Variants in MCTP1 observed in about 807,000 individuals in gnomAD.
MCTP1 encodes multiple C2 and transmembrane domain-containing protein 1.
In MCTP1, 69 loss-of-function variants were observed where a neutral mutation model predicts 120.6. The observed-to-expected ratio is 0.57, with a 90% CI of 0.47 to 0.70. The LOEUF is 0.70. Among genes scored for constraint, MCTP1 ranks in the 30% least tolerant of loss-of-function variants. MCTP1 has a pLI of 0.00. For synonymous variants in MCTP1, 529 were observed against 493.1 expected, an observed-to-expected ratio of 1.07 and a Z score of -0.96; for missense variants, 1,203 against 1,248.8, an observed-to-expected ratio of 0.96 and a Z score of 0.55.
At chr5:95,084,641 T>C (rs1755292519) in intron 1 of MCTP1, among the ~76,000 whole-genome samples, 1 of 152,124 alleles carries the variant, frequency 6.6e-6, no homozygotes, top group Non-Finnish European at 1.5e-5. Context: ...CCAATGTTTA[T>C]AATAATATGC....
At chr5:95,140,879 C>CAAAAAAA (rs33910299) in intron 1 of MCTP1, among the ~76,000 whole-genome samples, 4 of 45,338 alleles carry the variant, frequency 8.8e-5, no homozygotes, top group Admixed American at 3.3e-4. Flanking sequence ...GACTCCGTCT[C>CAAAAAAA]AAAAAAAAAA....
In MCTP1 at chr5:94,731,743, T is replaced by C. The variant is rs142263068; in HGVS notation, c.2611-16857A>G. 1.2e-3 allele frequency among the ~76,000 whole-genome samples: 186 copies of C among 152,342 alleles called. 5 individuals carry two copies. The East Asian group carries it at 0.034, about 28-fold the overall frequency. ...ATTTATCTGAGCCAAACTGCTGCTATGTAGAAATACAAATAGAAATACCAT... is the reference window on the plus strand; with the variant it reads ...ATTTATCTGAGCCAAACTGCTGCTACGTAGAAATACAAATAGAAATACCAT... On this transcript the variant is annotated intron_variant, in intron 19 of 22. Transcript: ENST00000515393.
At chr5:95,057,224 TAAC>T (rs1747636519) in intron 1 of MCTP1, among the ~76,000 whole-genome samples, 1 of 152,132 alleles carries the variant, frequency 6.6e-6, no homozygotes, top group African/African-American at 2.4e-5. Flanking sequence ...AATATTAACA[TAAC>T]TACCATCCAA....
chr5:95,206,053 A>G (rs1751583238), intron 1 of MCTP1, among the ~76,000 whole-genome samples: 1 of 152,200 alleles, frequency 6.6e-6, no homozygotes, highest in African/African-American at 2.4e-5. Flanking sequence ...CAAGAGAAAT[A>G]AAAACACATG....
At chr5:95,008,962 G>A (rs568518693) in intron 2 of MCTP1, among the ~76,000 whole-genome samples, 5 of 152,102 alleles carry the variant, frequency 3.3e-5, no homozygotes, top group African/African-American at 9.6e-5. Context: ...CCAGGAGTCT[G>A]AGGCTGCAAT....
chr5:95,003,855 G>A (rs1258065825), intron 2 of MCTP1, among the ~76,000 whole-genome samples: 1 of 152,154 alleles, frequency 6.6e-6, no homozygotes, highest in Non-Finnish European at 1.5e-5. Context: ...AGAGAAGTGG[G>A]GCATTGCTAT....
At chr5:94,825,880 A>AT (rs35182875) in intron 17 of MCTP1, 16,150 of 157,512 alleles carry the variant, frequency 0.1, 808 homozygotes, top group East Asian at 0.24. Context: ...TTTAACATCT[A>AT]TTTTTTTTTT....
chr5:95,089,552 G>A (rs544483291), intron 1 of MCTP1, among the ~76,000 whole-genome samples: 2 of 152,296 alleles, frequency 1.3e-5, no homozygotes, highest in East Asian at 1.9e-4. Context: ...TATTTTAAAT[G>A]TGAAGCGAAG....
intron 18 of MCTP1, among the ~76,000 whole-genome samples, chr5:94,796,767 C>A (rs1025944318): frequency 6.6e-6 from 1 of 151,506 alleles, no homozygotes; most frequent in African/African-American, 2.4e-5. Flanking sequence ...CATAATTAGA[C>A]AAATTGGATT....
At chr5:95,041,928 A>G (rs1842428944) in intron 1 of MCTP1, among the ~76,000 whole-genome samples, 1 of 152,168 alleles carries the variant, frequency 6.6e-6, no homozygotes, top group Admixed American at 6.6e-5. Flanking sequence ...GCATCCTTCA[A>G]CTGAATCTGC....
chr5:95,247,963 G>A (rs371149824), intron 1 of MCTP1, among the ~76,000 whole-genome samples: 11 of 151,760 alleles, frequency 7.2e-5, no homozygotes, highest in Admixed American at 2.0e-4. Flanking sequence ...CTTCTGTCTC[G>A]TTCAACAAAA....
chr5:95,227,575 C>G (rs1343836660), intron 1 of MCTP1, among the ~76,000 whole-genome samples: 1 of 152,110 alleles, frequency 6.6e-6, no homozygotes, highest in East Asian at 1.9e-4. Context: ...TTATAGGAAT[C>G]ATAGGAATCA....
At chr5:95,186,748 G>A (rs1484779950) in intron 1 of MCTP1, among the ~76,000 whole-genome samples, 1 of 152,072 alleles carries the variant, frequency 6.6e-6, no homozygotes, top group Non-Finnish European at 1.5e-5. Flanking sequence ...TTTTAATAAG[G>A]CTTACATTAT....
intron 1 of MCTP1, among the ~76,000 whole-genome samples, chr5:95,266,684 A>G (rs1300669197): frequency 6.6e-6 from 1 of 152,174 alleles, no homozygotes; most frequent in Non-Finnish European, 1.5e-5. Context: ...CCTAGTCCAG[A>G]TGGCAGTAAT....
At chr5:94,906,181 T>C (rs1314401932) in intron 10 of MCTP1, among the ~76,000 whole-genome samples, 1 of 152,054 alleles carries the variant, frequency 6.6e-6, no homozygotes, top group Admixed American at 6.6e-5. Flanking sequence ...ACTATATTAG[T>C]TCAAGTAAGA....
intron 10 of MCTP1, among the ~76,000 whole-genome samples, chr5:94,905,083 T>C (rs1216537405): frequency 1.3e-5 from 2 of 152,022 alleles, no homozygotes; most frequent in Admixed American, 6.6e-5. Flanking sequence ...TGATGAGACA[T>C]TGGTGCACAG....
intron 19 of MCTP1, among the ~76,000 whole-genome samples, chr5:94,737,843 A>AT (rs1257859909): frequency 1.3e-5 from 2 of 151,966 alleles, no homozygotes; most frequent in African/African-American, 2.4e-5. Flanking sequence ...CACTTGGTTA[A>AT]TTTTTTTGTA....
intron 1 of MCTP1, among the ~76,000 whole-genome samples, chr5:95,155,129 T>A (rs1170720268): frequency 6.6e-6 from 1 of 152,090 alleles, no homozygotes; most frequent in Non-Finnish European, 1.5e-5. Flanking sequence ...ACAGAAAAAA[T>A]ATTAGCTATT....
Position 95,285,013 on chromosome 5 carries a change from C to T in MCTP1, c.-438G>A, listed in dbSNP as rs1760634651. The stretch of plus-strand genomic sequence containing the variant: ...GCTGCGCCAGGGACCGCACCCGGCG[C>T]CCTCTGGGCAGCACCTGTCAGCGGC... On this transcript the variant is annotated 5_prime_UTR_variant, in exon 1 of 23. Transcript: ENST00000515393. 6.6e-6 allele frequency among the ~76,000 whole-genome samples: 1 copy of T among 152,164 alleles called. No homozygotes were observed. The highest frequency in any genetic ancestry group is 2.1e-4 in the South Asian group (1 of 4,838).
Sources: gnomAD v4.1 joint callset for allele counts (sites outside exome capture counted in the v4.1 genomes callset) on GRCh38, gnomAD v4.1.1 for gene constraint, MANE v1.5 for transcripts, NCBI Gene and HGNC (gene_info 2026-07-23, HGNC 2026-07-21) for gene names.